Variants in FSCN1 observed in about 807,000 individuals in gnomAD.
The protein encoded by FSCN1 is fascin.
Under a neutral mutation model 39.7 loss-of-function variants are expected in FSCN1, and 10 were observed. The ratio of observed to expected loss-of-function variants is 0.25; its 90% CI spans 0.16 to 0.43. FSCN1 has a LOEUF of 0.43. Among genes scored for constraint, FSCN1 ranks in the 20% least tolerant of loss-of-function variants. FSCN1 has a pLI of 1.00. For synonymous variants in FSCN1, 322 were observed against 320.0 expected (o/e 1.01, Z -0.07); for missense variants, 525 against 723.8 (o/e 0.73, Z 3.15).
At chr7:5,594,292 C>T (rs1386716831) in intron 1 of FSCN1, among the ~76,000 whole-genome samples, 1 of 151,820 alleles carries the variant, frequency 6.6e-6, no homozygotes, top group African/African-American at 2.4e-5. Flanking sequence ...CGGGGCGCGC[C>T]TCCACCTCCC....
At chr7:5,601,853 T>C (rs1013647580) in intron 1 of FSCN1, among the ~76,000 whole-genome samples, 3 of 150,494 alleles carry the variant, frequency 2.0e-5, no homozygotes, top group Non-Finnish European at 3.0e-5. Flanking sequence ...AAGAAAGAGA[T>C]GTATTTGCCA....
rs1785878476 is a variant in FSCN1 at position 5,603,806 on chromosome 7, C to T, written c.1112-57C>T. On this transcript the variant is annotated intron_variant, in intron 3 of 4. Transcript: ENST00000382361. The surrounding 1 kb of genome is among the most constrained non-coding windows in gnomAD (Gnocchi z 8.5). ...CCTGGCCCTCCCTCTCTGGTCACCCCAGCCTCCACCCCACTCCCTGCCAGG... is the reference window on the plus strand; with the variant it reads ...CCTGGCCCTCCCTCTCTGGTCACCCTAGCCTCCACCCCACTCCCTGCCAGG... 6.4e-7 allele frequency: 1 copy of T among 1,563,276 alleles called. No homozygotes were observed. The highest frequency in any genetic ancestry group is 1.7e-5 in the Admixed American group (1 of 59,338).
Position 5,599,862 on chromosome 7 carries a change from C to T in FSCN1, c.833-3395C>T, listed in dbSNP as rs1342517931. ...TCTGGGTGTGGGCTCTACCACCCAC[C>T]AGCCTCCCTCTCCTGTGGGTGCTGC... is the stretch of plus-strand genomic sequence containing the variant. On this transcript the variant is annotated intron_variant, in intron 1 of 4. Coordinates refer to ENST00000382361, the MANE Select transcript of FSCN1 (RefSeq NM_003088.4). This position sits in a 1 kb window ranked among gnomAD's most constrained non-coding sequence, Gnocchi z 5.6. Among the ~76,000 whole-genome samples, 2 of 152,086 alleles carry T rather than the reference C, an allele frequency of 1.3e-5. No individual in the cohort carries two copies. The highest frequency in any genetic ancestry group is 2.4e-5 in the African/African-American group (1 of 41,402).
intron 1 of FSCN1, chr7:5,594,826 C>T (rs1785702278): frequency 6.6e-6 from 1 of 152,304 alleles, no homozygotes; most frequent in African/African-American, 2.4e-5. Context: ...CTCTGGTGAA[C>T]CCATCCCCTA....
rs1458721218 is a variant in FSCN1 at position 5,605,119 on chromosome 7, G to C, written c.1280-153G>C. On this transcript the variant is annotated intron_variant, in intron 4 of 4. Transcript: ENST00000382361. The surrounding 1 kb of genome is among the most constrained non-coding windows in gnomAD (Gnocchi z 6.9). ...GTTCATGTGTCCATCATGGACAGGA[G>C]GACGTGCGGGCCATAGGGACCCTGG... Among the ~76,000 whole-genome samples, 1 of 152,210 alleles carries C rather than the reference G, an allele frequency of 6.6e-6. No individual in the cohort carries two copies. Among genetic ancestry groups the C allele is most frequent in the African/African-American group, 2.4e-5 (1 of 41,454 alleles).
At chr7:5,598,371 C>G (rs1418254390) in intron 1 of FSCN1, among the ~76,000 whole-genome samples, 2 of 152,228 alleles carry the variant, frequency 1.3e-5, no homozygotes, top group Admixed American at 1.3e-4. Flanking sequence ...GGCTGGGAAG[C>G]TCCCTTTCTT....
chr7:5,593,041 G>A lies in FSCN1; in HGVS notation c.105G>A (p.Ala35=). ...AGGCGTTCGGGTTCAAGGTGAACGC[G>A]TCCGCCAGCAGCCTGAAGAAGAAGC... ...TAEAFGFKVN[A]SASSLKKKQI... Residue 35 remains alanine (A), a synonymous_variant, in exon 1 of 5, where the codon GCG becomes GCA. Coordinates refer to ENST00000382361, the MANE Select transcript of FSCN1 (RefSeq NM_003088.4). 1 of 1,600,272 alleles carries A rather than the reference G, an allele frequency of 6.2e-7. No homozygotes were observed.
At chr7:5,594,282 C>T (rs952276176) in intron 1 of FSCN1, among the ~76,000 whole-genome samples, 6 of 152,058 alleles carry the variant, frequency 3.9e-5, no homozygotes, top group Non-Finnish European at 1.5e-5. Flanking sequence ...TTGATCCCGG[C>T]GGGGCGCGCC....
chr7:5,597,084 G>A (rs912365496), intron 1 of FSCN1, among the ~76,000 whole-genome samples: 6 of 152,204 alleles, frequency 3.9e-5, no homozygotes, highest in Admixed American at 2.6e-4. Context: ...ACTGGCTCTC[G>A]CCTGTAATCC....
At position 5,593,236 on chromosome 7, in the gene FSCN1, C is replaced by G. The variant is rs1236911111; in HGVS notation, c.300C>G (p.Arg100=). ...RFLIVAHDDG[R]WSLQSEAHRR... is the part of the protein sequence containing the mutation. The stretch of plus-strand genomic sequence containing the variant: ...TCATCGTGGCGCACGACGACGGTCG[C>G]TGGTCGCTGCAGTCCGAGGCGCACC... The change falls in exon 1 of 5, where the codon CGC becomes CGG. Residue 100 remains arginine (R), a synonymous_variant. Coordinates refer to ENST00000382361, the MANE Select transcript of FSCN1 (RefSeq NM_003088.4). 1 of 1,608,440 alleles carries G rather than the reference C, an allele frequency of 6.2e-7. No individual in the cohort carries two copies.
chr7:5,605,052 C>A lies in FSCN1; in HGVS notation c.1280-220C>A, dbSNP rs1349701018. Among the ~76,000 whole-genome samples the A allele has an allele frequency of 6.6e-6, 1 of 152,048 alleles. No homozygotes were observed. Among genetic ancestry groups the A allele is most frequent in the Non-Finnish European group, 1.5e-5 (1 of 68,038 alleles). Reference sequence around the variant, plus strand: ...CCTCCCAAAGTGCTGGGATTACAGGCGTGAGCCACTGCGGCCGAGCAGAAC... The same window carrying A: ...CCTCCCAAAGTGCTGGGATTACAGGAGTGAGCCACTGCGGCCGAGCAGAAC... On this transcript the variant is annotated intron_variant, in intron 4 of 4. Transcript: ENST00000382361. The surrounding 1 kb of genome is among the most constrained non-coding windows in gnomAD (Gnocchi z 6.9).
chr7:5,596,645 T>A (rs117689248), intron 1 of FSCN1, among the ~76,000 whole-genome samples: 2,843 of 152,274 alleles, frequency 0.019, 41 homozygotes, highest in Non-Finnish European at 0.03. Flanking sequence ...TGCTTGCATC[T>A]GGGGATCCAT....
chr7:5,602,897 T>TG (rs1311221735), intron 1 of FSCN1: 2 of 251,422 alleles, frequency 8.0e-6, no homozygotes, highest in Admixed American at 5.1e-5. Context: ...GGGGGTGGGG[T>TG]GGGGGTCTTG....
intron 1 of FSCN1, among the ~76,000 whole-genome samples, chr7:5,598,083 C>T (rs1375760212): frequency 6.6e-6 from 1 of 152,232 alleles, no homozygotes; most frequent in Admixed American, 6.5e-5. Context: ...CTATCCCTCC[C>T]TGCTGGGGTG....
chr7:5,605,502 C>G lies in FSCN1; in HGVS notation c.*28C>G. 1.3e-6 allele frequency: 2 copies of G among 1,482,550 alleles called. No individual in the cohort carries two copies. The highest frequency in any genetic ancestry group is 1.8e-6 in the Non-Finnish European group (2 of 1,095,568). The allele number at this position is 1,482,550 out of a possible 1,614,324, so 91.8% of individuals were successfully genotyped here. ...CCGGCCCGTCCTTCCCCGCCCCTGC[C>G]CACATGGCGGCTCCTGCCAACCCTC... On this transcript the variant is annotated 3_prime_UTR_variant, in exon 5 of 5. Transcript: ENST00000382361. This position sits in a 1 kb window ranked among gnomAD's most constrained non-coding sequence, Gnocchi z 6.9.
intron 1 of FSCN1, chr7:5,594,045 A>ACCCCCCCCCCCCCCCC (rs758470979): frequency 3.8e-6 from 1 of 262,496 alleles, no homozygotes; most frequent in Non-Finnish European, 6.6e-6. Context: ...CACCCTCCTA[A>ACCCCCCCCCCCCCCCC]CCCCCCCCCC....
rs568861608 is a variant in FSCN1 at position 5,605,390 on chromosome 7, C to T, written c.1398C>T (p.Gly466=). The change falls in exon 5 of 5, where the codon GGC becomes GGT. Residue 466 remains glycine, a synonymous_variant. Transcript: ENST00000382361. This position sits in a 1 kb window ranked among gnomAD's most constrained non-coding sequence, Gnocchi z 6.9. ...ATAACAAGGTGGCCATCAAGGTGGG[C>T]GGGCGCTACCTGAAGGGCGACCACG... is the stretch of plus-strand genomic sequence containing the variant. ...CDYNKVAIKV[G]GRYLKGDHAG... is the part of the protein sequence containing the mutation. 24 of 1,613,378 alleles carry T rather than the reference C, an allele frequency of 1.5e-5. No individual in the cohort carries two copies. Among genetic ancestry groups the T allele is most frequent in the South Asian group, 1.2e-4 (11 of 91,048 alleles).
At chr7:5,596,649 G>T (rs1785735701) in intron 1 of FSCN1, among the ~76,000 whole-genome samples, 1 of 152,182 alleles carries the variant, frequency 6.6e-6, no homozygotes, top group South Asian at 2.1e-4. Flanking sequence ...TGCATCTGGG[G>T]ATCCATGCCA....
At chr7:5,595,931 G>A (rs955602944) in intron 1 of FSCN1, among the ~76,000 whole-genome samples, 1 of 152,104 alleles carries the variant, frequency 6.6e-6, no homozygotes, top group Non-Finnish European at 1.5e-5. Flanking sequence ...GGCGTCTGGT[G>A]TGTGATTCAG....
Sources: gnomAD v4.1 joint callset for allele counts (sites outside exome capture counted in the v4.1 genomes callset) on GRCh38, gnomAD v4.1.1 for gene constraint, Gnocchi (gnomAD v3.1) non-coding constraint, MANE v1.5 for transcripts, NCBI Gene and HGNC (gene_info 2026-07-23, HGNC 2026-07-21) for gene names.